The following RBMS3 variants were observed in gnomAD, a reference collection of about 807,000 sequenced individuals.
The protein encoded by RBMS3 is RNA binding motif single stranded interacting protein 3, also known as RNA-binding motif, single-stranded-interacting protein 3.
Under a neutral mutation model 66.8 loss-of-function variants are expected in RBMS3, and 27 were observed. The ratio of observed to expected loss-of-function variants is 0.40; its 90% CI spans 0.30 to 0.56. The LOEUF (loss-of-function observed/expected upper bound fraction) is 0.56, where lower values mean the gene tolerates loss of function less well. RBMS3 is among the 20% of genes least tolerant of loss of function. The probability of loss-of-function intolerance (pLI) is 0.40; values close to 1 mark genes in which losing one functional copy is unlikely to be tolerated. For synonymous variants in RBMS3, 188 were observed against 183.0 expected, an observed-to-expected ratio of 1.03 and a Z score of -0.22; for missense variants, 513 against 549.5, an observed-to-expected ratio of 0.93 and a Z score of 0.66.
At chr3:29,616,750 C>A (rs1045758032) in intron 4 of RBMS3, 2 of 152,118 alleles carry the variant, frequency 1.3e-5, no homozygotes, top group African/African-American at 4.8e-5. Flanking sequence ...TCAGTATATT[C>A]TTTACATTCC....
At chr3:29,512,186 C>T (rs2044439787) in intron 3 of RBMS3, among the ~76,000 whole-genome samples, 1 of 151,956 alleles carries the variant, frequency 6.6e-6, no homozygotes, top group Admixed American at 6.6e-5. Context: ...CCTTATTTTT[C>T]ATCAGTTAGT....
chr3:29,843,742 C>T (rs1054223421), intron 6 of RBMS3, among the ~76,000 whole-genome samples: 2 of 151,962 alleles, frequency 1.3e-5, no homozygotes, highest in Non-Finnish European at 2.9e-5. Context: ...ATAGCTTGAG[C>T]CCAGGGGACC....
At chr3:29,330,736 T>C (rs2125513063) in intron 1 of RBMS3, among the ~76,000 whole-genome samples, 1 of 152,308 alleles carries the variant, frequency 6.6e-6, no homozygotes, top group Admixed American at 6.5e-5. Flanking sequence ...TGTGAAATGC[T>C]TCTAGAGGGG....
chr3:29,998,204 A>G lies in RBMS3; in HGVS notation c.1308-5652A>G, dbSNP rs983386900. On this transcript the variant is annotated intron_variant, in intron 14 of 14. Coordinates refer to ENST00000383767, the MANE Select transcript of RBMS3 (RefSeq NM_001003793.3). The stretch of plus-strand genomic sequence containing the variant: ...AATAAAATACCTAGGAATCCAACTT[A>G]CAAGAGATGTGAAGGACCTCTTCAA... Among the ~76,000 whole-genome samples the G allele has an allele frequency of 6.3e-4, 96 of 152,340 alleles. 2 individuals carry two copies. The South Asian group carries it at 0.019, about 31-fold the overall frequency.
intron 10 of RBMS3, among the ~76,000 whole-genome samples, chr3:29,918,922 G>C (rs1577143839): frequency 1.3e-5 from 2 of 151,602 alleles, no homozygotes; most frequent in Admixed American, 6.6e-5. Flanking sequence ...ATAATATTTT[G>C]TCATTTTCCT....
chr3:29,480,884 C>T (rs982738336), intron 2 of RBMS3, among the ~76,000 whole-genome samples: 3 of 152,248 alleles, frequency 2.0e-5, no homozygotes, highest in African/African-American at 7.2e-5. Context: ...TCACAGACAT[C>T]ACAGGGATGA....
rs966915983 is a variant in RBMS3 at position 29,929,073 on chromosome 3, C to T, written c.940-7013C>T. Among the ~76,000 whole-genome samples, 3 of 152,124 alleles carry T rather than the reference C, an allele frequency of 2.0e-5. No individual in the cohort carries two copies. In the South Asian group the frequency reaches 6.2e-4, roughly 31 times the overall value. On this transcript the variant is annotated intron_variant, in intron 10 of 14. Coordinates refer to ENST00000383767, the MANE Select transcript of RBMS3 (RefSeq NM_001003793.3). Reference sequence around the variant, plus strand: ...AAAATAAGAGGAAAAAATATAGTAACCCATCTGTGTAAGAAATTTATAATC... The same window carrying T: ...AAAATAAGAGGAAAAAATATAGTAATCCATCTGTGTAAGAAATTTATAATC...
At chr3:29,348,895 G>A (rs1233497658) in intron 1 of RBMS3, among the ~76,000 whole-genome samples, 1 of 152,172 alleles carries the variant, frequency 6.6e-6, no homozygotes, top group Non-Finnish European at 1.5e-5. Flanking sequence ...GAAGGGACTT[G>A]AGAGTAAGAT....
At chr3:29,400,621 G>A (rs1327397571) in intron 1 of RBMS3, among the ~76,000 whole-genome samples, 3 of 151,836 alleles carry the variant, frequency 2.0e-5, no homozygotes, top group Admixed American at 1.3e-4. Context: ...CAGAACAAAA[G>A]CGAGGTAGCT....
intron 1 of RBMS3, among the ~76,000 whole-genome samples, chr3:29,299,790 G>A (rs1033910880): frequency 2.3e-4 from 35 of 151,778 alleles, no homozygotes; most frequent in African/African-American, 8.0e-4. Flanking sequence ...TTTAGTATGG[G>A]GGTGGGGGTT....
At chr3:29,437,101 C>G (rs570013742) in intron 2 of RBMS3, among the ~76,000 whole-genome samples, 5 of 150,776 alleles carry the variant, frequency 3.3e-5, no homozygotes, top group Non-Finnish European at 7.3e-5. Context: ...CTGGCTCTGA[C>G]TAACACACTT....
chr3:29,804,385 CTT>C (rs1490846349), intron 6 of RBMS3, among the ~76,000 whole-genome samples: 3 of 151,918 alleles, frequency 2.0e-5, no homozygotes, highest in Non-Finnish European at 2.9e-5. Flanking sequence ...AATATATAGA[CTT>C]ATATTCTATT....
intron 2 of RBMS3, among the ~76,000 whole-genome samples, chr3:29,473,531 G>A (rs933156001): frequency 6.6e-5 from 10 of 152,230 alleles, no homozygotes; most frequent in Admixed American, 5.2e-4. Context: ...GGTGGTTGAT[G>A]GGACTGGGCG....
chr3:29,679,784 A>G, intron 4 of RBMS3, among the ~76,000 whole-genome samples: 1 of 150,908 alleles, frequency 6.6e-6, no homozygotes, highest in Middle Eastern at 3.5e-3. Flanking sequence ...ATATATATAT[A>G]TATTATACAT....
At chr3:29,579,590 T>C (rs1370527121) in intron 3 of RBMS3, among the ~76,000 whole-genome samples, 2 of 152,304 alleles carry the variant, frequency 1.3e-5, no homozygotes, top group East Asian at 3.9e-4. Context: ...TATAAACTTG[T>C]TGGAATTGTT....
At position 29,957,133 on chromosome 3, in the gene RBMS3, A is replaced by G. The variant is rs2149726702; in HGVS notation, c.1098+12879A>G. 1.3e-5 allele frequency among the ~76,000 whole-genome samples: 2 copies of G among 152,184 alleles called. 1 individual carries two copies. The highest frequency in any genetic ancestry group is 4.1e-4 in the South Asian group (2 of 4,826). ...TTGCCTTATCCTTTTGTCTTGTCTT[A>G]GAGTTTTCTCTCCCCTTAGGTGTCT... On this transcript the variant is annotated intron_variant, in intron 12 of 14. Coordinates refer to ENST00000383767, the MANE Select transcript of RBMS3 (RefSeq NM_001003793.3).
chr3:29,750,592 T>C lies in RBMS3; in HGVS notation c.557+10715T>C, dbSNP rs532881351. On this transcript the variant is annotated intron_variant, in intron 5 of 14. Coordinates refer to ENST00000383767, the MANE Select transcript of RBMS3 (RefSeq NM_001003793.3). ...TAAATTCAGGGGCACATGTGCAGGT[T>C]CGTTATATAGGTAAACTTGTGTCAT... Among the ~76,000 whole-genome samples the C allele has an allele frequency of 4.4e-4, 67 of 152,270 alleles. 2 individuals carry two copies. In the South Asian group the frequency reaches 0.013, roughly 31 times the overall value.
chr3:29,980,108 G>T (rs4680864), intron 12 of RBMS3, among the ~76,000 whole-genome samples: 1 of 151,976 alleles, frequency 6.6e-6, no homozygotes, highest in Non-Finnish European at 1.5e-5. Flanking sequence ...TGTTTCATGA[G>T]TTGTTAATGA....
intron 6 of RBMS3, among the ~76,000 whole-genome samples, chr3:29,853,168 T>G (rs1223074907): frequency 6.6e-6 from 1 of 151,508 alleles, no homozygotes; most frequent in African/African-American, 2.4e-5. Context: ...GAGTGGAGGG[T>G]GGGAGGAGGG....
Sources: gnomAD v4.1 joint callset for allele counts (sites outside exome capture counted in the v4.1 genomes callset) on GRCh38, gnomAD v4.1.1 for gene constraint, MANE v1.5 for transcripts, NCBI Gene and HGNC (gene_info 2026-07-23, HGNC 2026-07-21) for gene names.